FBXO21: variants seen among roughly 807,000 people sequenced by gnomAD.
FBXO21 encodes the protein F-box only protein 21.
A neutral mutation model predicts 76.6 loss-of-function variants in FBXO21; 32 were observed. The ratio of observed to expected loss-of-function variants is 0.42; its 90% CI spans 0.32 to 0.56. The LOEUF is 0.56. FBXO21 is among the 20% of genes least tolerant of loss of function. The pLI, the probability that FBXO21 is intolerant of heterozygous loss-of-function variation, is 0.16. For synonymous variants in FBXO21, 328 were observed against 311.5 expected (o/e 1.05, Z -0.56); for missense variants, 586 against 797.3 (o/e 0.73, Z 3.19).
intron 11 of FBXO21, among the ~76,000 whole-genome samples, chr12:117,150,723 G>A (rs1448077236): frequency 6.6e-6 from 1 of 152,246 alleles, no homozygotes; most frequent in Non-Finnish European, 1.5e-5. Context: ...GGCTGGAAGA[G>A]AATGTGTGCT....
At chr12:117,162,011 G>A (rs1167593335) in intron 9 of FBXO21, among the ~76,000 whole-genome samples, 9 of 152,358 alleles carry the variant, frequency 5.9e-5, no homozygotes, top group Non-Finnish European at 1.2e-4. Flanking sequence ...CTATGGAGGA[G>A]GCATGGGAAC....
Position 117,144,295 on chromosome 12 carries a change from C to T in FBXO21, c.*1792G>A, listed in dbSNP as rs572636766. 1 of 152,312 alleles carries T rather than the reference C, an allele frequency of 6.6e-6. No individual in the cohort carries two copies. Among genetic ancestry groups the T allele is most frequent in the East Asian group, 1.9e-4 (1 of 5,182 alleles). 9.4% of individuals were successfully genotyped at this position (152,312 alleles called of 1,614,324 possible). A position where few individuals can be genotyped will look rare whatever the true frequency, so the allele number is the denominator to read the frequency against. On this transcript the variant is annotated 3_prime_UTR_variant, in exon 12 of 12. Coordinates refer to ENST00000622495, the MANE Select transcript of FBXO21 (RefSeq NM_015002.3). ...TTCCCCTTTAAATGAAAGTAGTGTACAATCCTCCCAACCTTGGCGGGCCAG... is the reference window on the plus strand; with the variant it reads ...TTCCCCTTTAAATGAAAGTAGTGTATAATCCTCCCAACCTTGGCGGGCCAG...
Position 117,143,332 on chromosome 12 carries a change from T to C in FBXO21, c.*2755A>G, listed in dbSNP as rs969124041. On this transcript the variant is annotated 3_prime_UTR_variant, in exon 12 of 12. Coordinates refer to ENST00000622495, the MANE Select transcript of FBXO21 (RefSeq NM_015002.3). Reference sequence around the variant, plus strand: ...TCACAGGTATTGAGAAACACCACCATAGAGTCAATTGACTTTGTTTAACCT... The same window carrying C: ...TCACAGGTATTGAGAAACACCACCACAGAGTCAATTGACTTTGTTTAACCT... 10 of 152,140 alleles carry C rather than the reference T, an allele frequency of 6.6e-5. No homozygotes were observed. Among genetic ancestry groups the C allele is most frequent in the African/African-American group, 2.4e-4 (10 of 41,432 alleles). 9.4% of individuals were successfully genotyped at this position (152,140 alleles called of 1,614,324 possible). A position where few individuals can be genotyped will look rare whatever the true frequency, so the allele number is the denominator to read the frequency against.
intron 3 of FBXO21, among the ~76,000 whole-genome samples, chr12:117,186,187 AG>A (rs1956282284): frequency 6.6e-6 from 1 of 152,134 alleles, no homozygotes; most frequent in Admixed American, 6.5e-5. Flanking sequence ...TATTACCAAA[AG>A]GTTTCTAAAC....
intron 2 of FBXO21, among the ~76,000 whole-genome samples, chr12:117,188,174 CGAA>C (rs771215045): frequency 4.3e-4 from 66 of 152,146 alleles, no homozygotes; most frequent in Non-Finnish European, 8.8e-4. Flanking sequence ...AAATAAATAT[CGAA>C]TAGTTTGTTG....
intron 1 of FBXO21, among the ~76,000 whole-genome samples, chr12:117,189,901 C>T (rs1956327033): frequency 6.6e-6 from 1 of 152,198 alleles, no homozygotes. Flanking sequence ...TCACTGGGTC[C>T]ATGTAAACAT....
chr12:117,157,809 G>A, intron 10 of FBXO21, 64 bp downstream of exon 10: 2 of 1,419,248 alleles, frequency 1.4e-6, no homozygotes, highest in Non-Finnish European at 1.9e-6. Flanking sequence ...CTCACCAGGT[G>A]CATGTGTGTC....
At chr12:117,165,689 AG>A in intron 8 of FBXO21, 72 bp from the exon 9 acceptor site, 1 of 1,442,660 alleles carries the variant, frequency 6.9e-7, no homozygotes, top group Non-Finnish European at 9.3e-7. Flanking sequence ...TTCAAGGCCC[AG>A]GTTTTAAATA....
intron 9 of FBXO21, among the ~76,000 whole-genome samples, chr12:117,162,353 G>A (rs1473570561): frequency 6.6e-6 from 1 of 152,204 alleles, no homozygotes; most frequent in African/African-American, 2.4e-5. Flanking sequence ...GGTGGGCTAG[G>A]GCATCAGCTT....
At chr12:117,177,311 G>C (rs1326085229) in intron 4 of FBXO21, among the ~76,000 whole-genome samples, 1 of 152,116 alleles carries the variant, frequency 6.6e-6, no homozygotes, top group African/African-American at 2.4e-5. Flanking sequence ...TATTTCTTTA[G>C]TGGACTTTGA....
At chr12:117,174,895 A>G (rs1031853965) in intron 4 of FBXO21, 98 bp from the exon 5 acceptor site, 1 of 1,233,928 alleles carries the variant, frequency 8.1e-7, no homozygotes, top group African/African-American at 1.5e-5. Flanking sequence ...GGCTCTTTAC[A>G]CCATCCCACT....
intron 11 of FBXO21, among the ~76,000 whole-genome samples, chr12:117,147,300 A>G (rs1374827624): frequency 1.7e-5 from 2 of 116,966 alleles, no homozygotes; most frequent in East Asian, 5.5e-4. Context: ...GAAAAAAAAA[A>G]AAAAAAAGAA....
intron 9 of FBXO21, among the ~76,000 whole-genome samples, chr12:117,161,318 T>C (rs1001302343): frequency 6.6e-6 from 1 of 150,940 alleles, no homozygotes; most frequent in Non-Finnish European, 1.5e-5. Flanking sequence ...ACAGAAAAAG[T>C]AGTGGGTGCA....
At position 117,144,472 on chromosome 12, in the gene FBXO21, C is replaced by T. The variant is rs1955746686; in HGVS notation, c.*1615G>A. 1 of 152,164 alleles carries T rather than the reference C, an allele frequency of 6.6e-6. No homozygotes were observed. The highest frequency in any genetic ancestry group is 2.4e-5 in the African/African-American group (1 of 41,418). The allele number at this position is 152,164 out of a possible 1,614,324, so 9.4% of individuals were successfully genotyped here. On this transcript the variant is annotated 3_prime_UTR_variant, in exon 12 of 12. Coordinates refer to ENST00000622495, the MANE Select transcript of FBXO21 (RefSeq NM_015002.3). The stretch of plus-strand genomic sequence containing the variant: ...ATCTCTTTCTAGTAACTGCTTAAAG[C>T]CTTCCCTTGCTATGAAGTGGTCTCA...
At chr12:117,153,472 A>G (rs999608417) in intron 11 of FBXO21, among the ~76,000 whole-genome samples, 11 of 152,376 alleles carry the variant, frequency 7.2e-5, no homozygotes, top group Admixed American at 4.6e-4. Context: ...CCAAGCACAC[A>G]TGCCCGGGGG....
intron 9 of FBXO21, 128 bp downstream of exon 9, chr12:117,165,357 G>A (rs1566000485): frequency 4.1e-6 from 4 of 981,332 alleles, no homozygotes; most frequent in Admixed American, 4.7e-5. Context: ...AATGGGTTAT[G>A]ATTGGGAGAC....
rs4767501 is a variant in FBXO21, at chr12:117,145,743, C to G, written c.*344G>C. On this transcript the variant is annotated 3_prime_UTR_variant, in exon 12 of 12. Transcript: ENST00000622495. ...ATGTTCTGAGACAAATGCAGACAGA[C>G]AGGGGAATGGAGTGAATACAAAGAA... The G allele has an allele frequency of 3.9e-4, 68 of 172,970 alleles. No homozygotes were observed. The highest frequency in any genetic ancestry group is 7.7e-4 in the Non-Finnish European group (63 of 82,134). The allele number at this position is 172,970 out of a possible 1,614,324, so 10.7% of individuals were successfully genotyped here. A position where few individuals can be genotyped will look rare whatever the true frequency, so the allele number is the denominator to read the frequency against.
chr12:117,174,732 G>C lies in FBXO21; in HGVS notation c.658C>G (p.Gln220Glu), dbSNP rs1956156643. Residue 220 changes from glutamine to glutamate, a missense_variant, in exon 5 of 12, where the codon CAA becomes GAA. Gln to Glu is a conservative substitution (Grantham distance 29). Around this residue, in one of 6 missense-constraint regions of FBXO21, gnomAD observed 246 missense variants for 356.8 expected, o/e 0.69. Coordinates refer to ENST00000622495, the MANE Select transcript of FBXO21 (RefSeq NM_015002.3). ...SDISLKDIQA[Q>E]IDSIVELVCK... ...ACAAGCTCCACGATGCTGTCAATTTGGGCCTGGATGTCTTTGAGGCTGATG... is the reference window on the plus strand; with the variant it reads ...ACAAGCTCCACGATGCTGTCAATTTCGGCCTGGATGTCTTTGAGGCTGATG... The C allele has an allele frequency of 3.1e-6, 5 of 1,614,170 alleles. No individual in the cohort carries two copies. Among genetic ancestry groups the C allele is most frequent in the Non-Finnish European group, 4.2e-6 (5 of 1,180,014 alleles).
In FBXO21 at chr12:117,157,857, G is replaced by A. The variant is rs199815332; in HGVS notation, c.1517+16C>T. 3.8e-6 allele frequency: 6 copies of A among 1,580,884 alleles called. No individual in the cohort carries two copies. In the East Asian group the frequency reaches 1.3e-4, roughly 36 times the overall value. On this transcript the variant is annotated intron_variant, in intron 10 of 11. Transcript: ENST00000622495. ...CTGGAACGGACACTGCAGGACAGAT[G>A]ATCCCGGGCACTCACCTCTTATGCT...
Sources: gnomAD v4.1 joint callset for allele counts (sites outside exome capture counted in the v4.1 genomes callset) on GRCh38, gnomAD v4.1.1 for gene constraint, gnomAD v4.1.1 regional missense constraint, MANE v1.5 for transcripts, NCBI Gene and HGNC (gene_info 2026-07-23, HGNC 2026-07-21) for gene names.